OR2L13: variants seen among roughly 807,000 people sequenced by gnomAD.
The protein encoded by OR2L13 is olfactory receptor family 2 subfamily L member 13.
In OR2L13, 14 loss-of-function variants were observed where a neutral mutation model predicts 15.3. That is an observed-to-expected ratio of 0.91 (90% confidence interval 0.60 to 1.43). The LOEUF is 1.43. Among genes scored for constraint, OR2L13 ranks in the 40% most tolerant of loss-of-function variants. The probability of loss-of-function intolerance (pLI) is 0.00; values close to 1 mark genes in which losing one functional copy is unlikely to be tolerated. For missense variants in OR2L13, 367 were observed against 387.9 expected, an observed-to-expected ratio of 0.95 and a Z score of 0.45; for synonymous variants, 152 against 142.9, an observed-to-expected ratio of 1.06 and a Z score of -0.45.
chr1:247,994,233 TA>T, the OR2L13 span, among the ~76,000 whole-genome samples: 11 of 152,018 alleles, frequency 7.2e-5, no homozygotes, highest in Non-Finnish European at 1.3e-4. Flanking sequence ...CCGTCTCTAC[TA>T]AAAATACAAA....
At chr1:248,061,460 G>A in the OR2L13 span, 52 of 1,613,770 alleles carry the variant, frequency 3.2e-5, no homozygotes, top group Admixed American at 5.0e-5. Context: ...ACTTATCTAC[G>A]TCCAAGATCC....
At chr1:247,960,919 C>T in the OR2L13 span, among the ~76,000 whole-genome samples, 2 of 152,142 alleles carry the variant, frequency 1.3e-5, no homozygotes, top group Non-Finnish European at 2.9e-5. Flanking sequence ...TGCTTTGGCT[C>T]ACGCTCAGTG....
Position 248,099,894 on chromosome 1 carries a change from TG to T in OR2L13, c.520del (p.Asp174ThrfsTer27). ...TTCCCTACTGCAGGTCTAGGGCTAT[TG>T]ACCATTTCTTCTGCGATGTCCCAGC... On this transcript the variant is annotated frameshift_variant, in exon 3 of 3. Transcript: ENST00000641714. LOFTEE classifies it high-confidence loss of function. 9 of 1,614,184 alleles carry T rather than the reference TG, an allele frequency of 5.6e-6. No individual in the cohort carries two copies. The highest frequency in any genetic ancestry group is 7.6e-6 in the Non-Finnish European group (9 of 1,180,030).
the OR2L13 span, chr1:247,990,670 A>G: frequency 2.0e-6 from 3 of 1,528,100 alleles, no homozygotes; most frequent in East Asian, 4.5e-5. Context: ...TCCCATCCGT[A>G]TGAGAAAAAG....
At chr1:248,022,128 C>G in the OR2L13 span, 1 of 1,613,948 alleles carries the variant, frequency 6.2e-7, no homozygotes, top group Non-Finnish European at 8.5e-7. Context: ...CATGTATTTC[C>G]TGCTTAGTCA....
the OR2L13 span, chr1:248,061,075 C>T: frequency 6.2e-7 from 1 of 1,614,056 alleles, no homozygotes. Context: ...TCTTCACTAT[C>T]CCATCCGCAT....
chr1:248,074,214 C>A, the OR2L13 span, among the ~76,000 whole-genome samples: 1 of 152,000 alleles, frequency 6.6e-6, no homozygotes, highest in Admixed American at 6.6e-5. Flanking sequence ...CAGTAAGCAT[C>A]TTAGAAGGTG....
the OR2L13 span, among the ~76,000 whole-genome samples, chr1:247,995,529 G>A: frequency 6.6e-6 from 1 of 152,148 alleles, no homozygotes; most frequent in Non-Finnish European, 1.5e-5. Flanking sequence ...AAAAATTTTT[G>A]TGTTTCAGTG....
At chr1:248,092,576 C>A (rs1664624592), upstream of OR2L13, among the ~76,000 whole-genome samples, 1 of 152,140 alleles carries the variant, frequency 6.6e-6, no homozygotes, top group Non-Finnish European at 1.5e-5. Context: ...CAAAGTACAC[C>A]ACATTCTGGT....
the OR2L13 span, among the ~76,000 whole-genome samples, chr1:248,013,012 T>C: frequency 6.6e-6 from 1 of 151,752 alleles, no homozygotes; most frequent in Non-Finnish European, 1.5e-5. Context: ...TAAGATCAGT[T>C]TTATTATCTA....
At chr1:247,976,168 AAG>A in the OR2L13 span, among the ~76,000 whole-genome samples, 1 of 152,162 alleles carries the variant, frequency 6.6e-6, no homozygotes, top group Non-Finnish European at 1.5e-5. Context: ...TTAGAAAAAC[AAG>A]AGTTTCTTTA....
the OR2L13 span, among the ~76,000 whole-genome samples, chr1:247,969,176 A>T: frequency 2.2e-3 from 336 of 152,144 alleles, no homozygotes; most frequent in Non-Finnish European, 3.2e-3. Context: ...TCCTTTGCCC[A>T]TTTTTTGATG....
At chr1:248,003,797 G>T in the OR2L13 span, 16 of 1,613,754 alleles carry the variant, frequency 9.9e-6, no homozygotes, top group Admixed American at 1.3e-4. Context: ...GGTTCTCCTT[G>T]CTGTCTACCA....
the OR2L13 span, among the ~76,000 whole-genome samples, chr1:247,955,363 G>C: frequency 1.3e-5 from 2 of 151,494 alleles, no homozygotes; most frequent in East Asian, 3.9e-4. Context: ...GGACATTTGG[G>C]TTGGTTCCAA....
the OR2L13 span, among the ~76,000 whole-genome samples, chr1:248,056,204 G>A: frequency 6.6e-6 from 1 of 151,622 alleles, no homozygotes; most frequent in Non-Finnish European, 1.5e-5. Flanking sequence ...TAAGTTTTAG[G>A]GTACATGTGT....
At chr1:248,066,971 T>C in the OR2L13 span, among the ~76,000 whole-genome samples, 2 of 152,238 alleles carry the variant, frequency 1.3e-5, no homozygotes, top group African/African-American at 4.8e-5. Context: ...CACAAGCATC[T>C]ACAATTTGCA....
the OR2L13 span, among the ~76,000 whole-genome samples, chr1:248,085,118 T>G: frequency 6.6e-6 from 1 of 152,088 alleles, no homozygotes; most frequent in Non-Finnish European, 1.5e-5. Context: ...TCCCATATAG[T>G]GTATGCACTC....
the OR2L13 span, among the ~76,000 whole-genome samples, chr1:247,992,335 A>C: frequency 6.6e-6 from 1 of 152,246 alleles, no homozygotes; most frequent in African/African-American, 2.4e-5. Context: ...TGTCAACAGT[A>C]GGCTATCATT....
chr1:247,952,037 G>A, the OR2L13 span, among the ~76,000 whole-genome samples: 1 of 152,138 alleles, frequency 6.6e-6, no homozygotes, highest in Non-Finnish European at 1.5e-5. Context: ...GCCCCATGTG[G>A]TTGTTGCCTG....
Sources: allele counts gnomAD v4.1 joint callset (sites outside exome capture counted in the v4.1 genomes callset), GRCh38; gene constraint gnomAD v4.1.1; transcripts MANE v1.5; gene names NCBI Gene and HGNC (gene_info 2026-07-23, HGNC 2026-07-21).